The following IQCM variants were observed in gnomAD, a reference collection of about 807,000 sequenced individuals.
IQCM encodes IQ motif containing M.
A neutral mutation model predicts 57.6 loss-of-function variants in IQCM; 45 were observed. The ratio of observed to expected loss-of-function variants is 0.78; its 90% CI spans 0.62 to 1.00. The LOEUF (loss-of-function observed/expected upper bound fraction) is 1.00. Among genes scored for constraint, IQCM ranks in the 50% least tolerant of loss-of-function variants. The pLI is 0.00. For missense variants in IQCM, 468 were observed against 511.6 expected (o/e 0.91, Z 0.82); for synonymous variants, 148 against 158.9 (o/e 0.93, Z 0.51).
At chr4:149,751,786 AAG>A (rs1768471514) in intron 2 of IQCM, among the ~76,000 whole-genome samples, 1 of 152,110 alleles carries the variant, frequency 6.6e-6, no homozygotes, top group African/African-American at 2.4e-5. Context: ...ATGTAAAACC[AAG>A]AGAGAGAATG....
rs1005485013 is a variant in IQCM at position 149,682,661 on chromosome 4, T to C, written c.477-455A>G. Among the ~76,000 whole-genome samples the C allele has an allele frequency of 2.2e-4, 33 of 151,170 alleles. No homozygotes were observed. The Admixed American group carries it at 2.2e-3, about 10-fold the overall frequency. ...AAATAAAAATCTCCCCTAATCTTAT[T>C]ACCCTGATATTTTAGTAATAATTGC... On this transcript the variant is annotated intron_variant, in intron 6 of 13. Transcript: ENST00000636793.
At chr4:149,366,533 T>C (rs1039621711) in intron 13 of IQCM, among the ~76,000 whole-genome samples, 2 of 151,900 alleles carry the variant, frequency 1.3e-5, no homozygotes, top group African/African-American at 4.8e-5. Flanking sequence ...TCCCAGACAT[T>C]AGTAACAACT....
chr4:149,687,682 T>C (rs1762645402), intron 5 of IQCM, among the ~76,000 whole-genome samples: 1 of 151,800 alleles, frequency 6.6e-6, no homozygotes, highest in African/African-American at 2.4e-5. Context: ...CTGATGAACA[T>C]AGATGCTAAC....
At chr4:149,549,472 C>G (rs1415712280) in intron 11 of IQCM, among the ~76,000 whole-genome samples, 1 of 152,048 alleles carries the variant, frequency 6.6e-6, no homozygotes, top group Non-Finnish European at 1.5e-5. Flanking sequence ...GAGCCGAGAT[C>G]CCGCCACTGC....
chr4:149,742,306 A>T (rs1050293666), intron 3 of IQCM, among the ~76,000 whole-genome samples: 7 of 152,122 alleles, frequency 4.6e-5, no homozygotes, highest in African/African-American at 1.7e-4. Flanking sequence ...TATATGCCCA[A>T]ATTTGTTCCA....
intron 7 of IQCM, among the ~76,000 whole-genome samples, chr4:149,647,444 G>A (rs770205410): frequency 6.6e-6 from 1 of 151,838 alleles, no homozygotes; most frequent in Non-Finnish European, 1.5e-5. Context: ...TATTTATCAA[G>A]CATCCTGAAA....
intron 5 of IQCM, among the ~76,000 whole-genome samples, chr4:149,688,974 T>C (rs1762749481): frequency 6.6e-6 from 1 of 152,054 alleles, no homozygotes; most frequent in Admixed American, 6.6e-5. Context: ...AGGGCTTAAA[T>C]CTAAGACCTG....
chr4:149,481,158 C>G (rs1374918722), intron 12 of IQCM, among the ~76,000 whole-genome samples: 1 of 152,028 alleles, frequency 6.6e-6, no homozygotes, highest in African/African-American at 2.4e-5. Flanking sequence ...GGTTATTAAT[C>G]CCTTGTCAGG....
intron 13 of IQCM, among the ~76,000 whole-genome samples, chr4:149,399,338 A>G (rs1165829530): frequency 6.6e-6 from 1 of 152,036 alleles, no homozygotes; most frequent in Non-Finnish European, 1.5e-5. Context: ...AGATAATACA[A>G]CAAACAATAG....
intron 2 of IQCM, among the ~76,000 whole-genome samples, chr4:149,765,579 ACTGCC>A (rs896608470): frequency 1.3e-5 from 2 of 151,684 alleles, no homozygotes; most frequent in African/African-American, 4.9e-5. Context: ...GGGACTGAAA[ACTGCC>A]CTTGTAAAAT....
intron 8 of IQCM, among the ~76,000 whole-genome samples, chr4:149,601,049 G>GA (rs761645847): frequency 6.6e-6 from 1 of 151,964 alleles, no homozygotes; most frequent in African/African-American, 2.4e-5. Flanking sequence ...TATTTATCAG[G>GA]AAAAAAATTA....
At chr4:149,524,149 G>A (rs183219676) in intron 12 of IQCM, among the ~76,000 whole-genome samples, 4 of 152,242 alleles carry the variant, frequency 2.6e-5, no homozygotes, top group Admixed American at 2.6e-4. Context: ...AGTGAAGGAA[G>A]TCAGACAGAA....
intron 6 of IQCM, among the ~76,000 whole-genome samples, chr4:149,682,706 A>G (rs1449358138): frequency 1.3e-5 from 2 of 151,206 alleles, no homozygotes; most frequent in East Asian, 3.9e-4. Flanking sequence ...AATGCTTCCT[A>G]TAGGCCAGCA....
intron 3 of IQCM, among the ~76,000 whole-genome samples, chr4:149,742,157 T>A (rs1202575818): frequency 6.6e-6 from 1 of 152,148 alleles, no homozygotes; most frequent in Admixed American, 6.6e-5. Flanking sequence ...ATATTTTACA[T>A]TCTTTTTTGT....
intron 5 of IQCM, among the ~76,000 whole-genome samples, chr4:149,729,254 G>A (rs1363766426): frequency 6.6e-6 from 1 of 152,070 alleles, no homozygotes; most frequent in Non-Finnish European, 1.5e-5. Flanking sequence ...GACACATCTT[G>A]CTATTACCCT....
intron 2 of IQCM, among the ~76,000 whole-genome samples, chr4:149,797,544 C>T (rs1773219747): frequency 6.6e-6 from 1 of 151,742 alleles, no homozygotes; most frequent in Non-Finnish European, 1.5e-5. Flanking sequence ...ATCCAATATC[C>T]TACAGAGAGA....
At chr4:149,564,023 T>C (rs904453706) in intron 9 of IQCM, 133 bp from the exon 10 acceptor site, 2 of 455,672 alleles carry the variant, frequency 4.4e-6, no homozygotes, top group Admixed American at 8.8e-5. Context: ...ATTCAATGTA[T>C]GATATCACCA....
chr4:149,383,002 A>G (rs935439704), intron 13 of IQCM, among the ~76,000 whole-genome samples: 1 of 152,054 alleles, frequency 6.6e-6, no homozygotes, highest in African/African-American at 2.4e-5. Context: ...CAAAAAAAAA[A>G]AAAAAAGAAA....
intron 12 of IQCM, among the ~76,000 whole-genome samples, chr4:149,531,200 TTC>T (rs1746714152): frequency 6.6e-6 from 1 of 152,178 alleles, no homozygotes; most frequent in South Asian, 2.1e-4. Flanking sequence ...ATTTGATTCA[TTC>T]TCTTTGTTAT....
Sources: allele counts gnomAD v4.1 joint callset (sites outside exome capture counted in the v4.1 genomes callset), GRCh38; gene constraint gnomAD v4.1.1; transcripts MANE v1.5; gene names NCBI Gene and HGNC (gene_info 2026-07-23, HGNC 2026-07-21).